The following PLAC1 variants were observed in gnomAD, a reference collection of about 807,000 sequenced individuals.
The protein encoded by PLAC1 is placenta-specific protein 1.
For missense variants in PLAC1, 136 were observed against 163.2 expected, an observed-to-expected ratio of 0.83 and a Z score of 0.91; for synonymous variants, 68 against 62.1, an observed-to-expected ratio of 1.09 and a Z score of -0.44.
chrX:134,616,660 A>C (rs1240319023), intron 1 of PLAC1, among the ~76,000 whole-genome samples: 1 of 111,186 alleles, frequency 9.0e-6, no homozygotes, highest in Non-Finnish European at 1.9e-5. Context: ...AAAACAACAA[A>C]AAAAAATTGC....
At chrX:134,707,417 T>G (rs2078608589) in intron 2 of PLAC1, among the ~76,000 whole-genome samples, 2 of 112,290 alleles carry the variant, frequency 1.8e-5, no homozygotes, top group African/African-American at 6.5e-5. Context: ...AACCTGTCAT[T>G]TACATTAGGT....
intron 1 of PLAC1, among the ~76,000 whole-genome samples, chrX:134,602,466 C>CTACT (rs2078093396): frequency 8.9e-6 from 1 of 112,205 alleles, no homozygotes; most frequent in African/African-American, 3.2e-5. Flanking sequence ...AAAAGAAGAC[C>CTACT]TACTTACTAT....
intron 1 of PLAC1, among the ~76,000 whole-genome samples, chrX:134,627,990 C>T (rs1250562208): frequency 9.0e-6 from 1 of 111,052 alleles, no homozygotes; most frequent in African/African-American, 3.3e-5. Flanking sequence ...GTTTCCTCAT[C>T]TGAAAAATGG....
chrX:134,584,092 T>C (rs896363754), intron 2 of PLAC1, among the ~76,000 whole-genome samples: 1 of 110,940 alleles, frequency 9.0e-6, no homozygotes. Flanking sequence ...GGCAAACTTT[T>C]CCTGACTATG....
Position 134,566,570 on chromosome X carries a change from G to A in PLAC1, c.113C>T (p.Thr38Ile). 2.5e-6 allele frequency: 3 copies of A among 1,211,523 alleles called. No individual in the cohort carries two copies. Among genetic ancestry groups the A allele is most frequent in the Non-Finnish European group, 3.4e-6 (3 of 895,147 alleles). Residue 38 changes from threonine to isoleucine, a missense_variant, in exon 3 of 3, where the codon ACA becomes ATA. Coordinates refer to ENST00000359237, the MANE Select transcript of PLAC1 (RefSeq NM_021796.4). Reference sequence around the variant, plus strand: ...GTTGTTTAGCATGAAGGGGTGCACTGTGACCATGAACCAGTCTATGGAGCA... The same window carrying A: ...GTTGTTTAGCATGAAGGGGTGCACTATGACCATGAACCAGTCTATGGAGCA... ...VLCSIDWFMV[T>I]VHPFMLNNDV...
chrX:134,755,622 C>A (rs904029188), intron 1 of PLAC1, among the ~76,000 whole-genome samples: 4 of 111,109 alleles, frequency 3.6e-5, no homozygotes, highest in South Asian at 3.7e-4. Flanking sequence ...ATATTTGCAT[C>A]TCTTACTATG....
At chrX:134,721,635 C>T (rs887307019) in intron 2 of PLAC1, among the ~76,000 whole-genome samples, 2 of 109,909 alleles carry the variant, frequency 1.8e-5, no homozygotes, top group South Asian at 3.9e-4. Context: ...GAGGCCAAGG[C>T]GGGTGGATCA....
chrX:134,689,580 T>A (rs184463349), intron 2 of PLAC1, among the ~76,000 whole-genome samples: 2,352 of 111,402 alleles, frequency 0.021, 31 homozygotes, highest in Non-Finnish European at 0.028. Flanking sequence ...ATTTGAGCAA[T>A]GAATCAGATG....
chrX:134,613,282 C>T (rs922973413), intron 1 of PLAC1, among the ~76,000 whole-genome samples: 1 of 111,298 alleles, frequency 9.0e-6, no homozygotes, highest in African/African-American at 3.3e-5. Context: ...AGAATTGTGT[C>T]CATGTGGGAT....
chrX:134,705,984 C>G (rs2078603494), intron 2 of PLAC1, among the ~76,000 whole-genome samples: 1 of 111,622 alleles, frequency 9.0e-6, no homozygotes, highest in African/African-American at 3.3e-5. Context: ...ACTGAGGCAA[C>G]GTATTGGTGA....
intron 2 of PLAC1, among the ~76,000 whole-genome samples, chrX:134,664,675 G>A (rs776912019): frequency 8.0e-5 from 9 of 112,132 alleles, no homozygotes; most frequent in African/African-American, 2.9e-4. Flanking sequence ...AGATGAGGAC[G>A]TTGACATTTT....
chrX:134,752,280 C>A (rs1361573242), intron 1 of PLAC1, among the ~76,000 whole-genome samples: 3 of 110,912 alleles, frequency 2.7e-5, no homozygotes, highest in Non-Finnish European at 5.7e-5. Context: ...GGGTTAGTAA[C>A]CTCCACATTG....
At chrX:134,647,225 C>A (rs1277007038) in intron 1 of PLAC1, among the ~76,000 whole-genome samples, 3 of 111,859 alleles carry the variant, frequency 2.7e-5, no homozygotes, top group African/African-American at 9.8e-5. Context: ...ATGCACCCAG[C>A]AGACTGGGCA....
chrX:134,657,063 T>A (rs185417166), intron 1 of PLAC1, among the ~76,000 whole-genome samples: 1 of 112,219 alleles, frequency 8.9e-6, no homozygotes, highest in Admixed American at 9.4e-5. Context: ...CGTGAGAAGA[T>A]GCTTTGTTCA....
chrX:134,612,390 A>G, intron 1 of PLAC1, among the ~76,000 whole-genome samples: 1 of 112,252 alleles, frequency 8.9e-6, no homozygotes. Context: ...GGAAGCTCTC[A>G]ATACATAGGA....
intron 2 of PLAC1, among the ~76,000 whole-genome samples, chrX:134,677,094 T>C (rs957934490): frequency 2.7e-5 from 3 of 112,340 alleles, no homozygotes; most frequent in Non-Finnish European, 5.6e-5. Context: ...GAGATTTTGA[T>C]GCAGTAGGCT....
chrX:134,694,015 C>G lies in PLAC1; in HGVS notation n.174+39420G>C, dbSNP rs6654675. Among the ~76,000 whole-genome samples the G allele has an allele frequency of 2.7e-5, 3 of 111,528 alleles. No individual in the cohort carries two copies. In the East Asian group the frequency reaches 8.5e-4, roughly 31 times the overall value. On this transcript the variant is annotated intron_variant and non_coding_transcript_variant, in intron 2 of 2. Coordinates refer to the PLAC1 transcript ENST00000466797. ...TTATTGAAAAATGGTATGTCTGTCT[C>G]TAATATTGAACCTCTCAAAGGAATT... is the stretch of plus-strand genomic sequence containing the variant.
chrX:134,688,435 A>G (rs1390290450), intron 2 of PLAC1, among the ~76,000 whole-genome samples: 1 of 112,457 alleles, frequency 8.9e-6, no homozygotes, highest in Non-Finnish European at 1.9e-5. Flanking sequence ...GATTCCATAC[A>G]AGGTGTTCCC....
chrX:134,614,596 TAC>T (rs112359386), intron 1 of PLAC1, among the ~76,000 whole-genome samples: 30 of 106,311 alleles, frequency 2.8e-4, no homozygotes, highest in African/African-American at 4.5e-4. Context: ...GTATATATGA[TAC>T]ACACACACAC....
Sources: allele counts gnomAD v4.1 joint callset (sites outside exome capture counted in the v4.1 genomes callset), GRCh38; gene constraint gnomAD v4.1.1; transcripts MANE v1.5; gene names NCBI Gene and HGNC (gene_info 2026-07-23, HGNC 2026-07-21).